The following HS3ST4 variants were observed in gnomAD, a reference collection of about 807,000 sequenced individuals.
HS3ST4 encodes the protein heparan sulfate-glucosamine 3-sulfotransferase 4, also known as heparan sulfate glucosamine 3-O-sulfotransferase 4.
In HS3ST4, 17 loss-of-function variants were observed where a neutral mutation model predicts 29.2. The observed-to-expected ratio is 0.58, with a 90% CI of 0.40 to 0.87. The LOEUF (loss-of-function observed/expected upper bound fraction) is 0.87. Among genes scored for constraint, HS3ST4 ranks in the 40% least tolerant of loss-of-function variants. The pLI, the probability that HS3ST4 is intolerant of heterozygous loss-of-function variation, is 0.00. For synonymous variants in HS3ST4, 314 were observed against 285.7 expected, an observed-to-expected ratio of 1.10 and a Z score of -1.00; for missense variants, 627 against 634.5, an observed-to-expected ratio of 0.99 and a Z score of 0.13.
At chr16:25,956,346 C>A (rs1968732671) in intron 1 of HS3ST4, among the ~76,000 whole-genome samples, 1 of 152,132 alleles carries the variant, frequency 6.6e-6, no homozygotes, top group African/African-American at 2.4e-5. Context: ...TGTTGGTAAC[C>A]TACCCAGAAG....
chr16:25,832,757 A>G (rs550484188), intron 1 of HS3ST4, among the ~76,000 whole-genome samples: 69 of 152,360 alleles, frequency 4.5e-4, no homozygotes, highest in Non-Finnish European at 6.8e-4. Flanking sequence ...ATTACCTTAG[A>G]AAGGATATTA....
At chr16:25,984,991 T>C (rs73521562) in intron 1 of HS3ST4, among the ~76,000 whole-genome samples, 2,703 of 152,326 alleles carry the variant, frequency 0.018, 83 homozygotes, top group African/African-American at 0.063. Flanking sequence ...TTGGTGGTCT[T>C]AGCACCATGT....
intron 1 of HS3ST4, among the ~76,000 whole-genome samples, chr16:26,019,956 T>C (rs1045431837): frequency 1.3e-5 from 2 of 152,140 alleles, no homozygotes; most frequent in Non-Finnish European, 2.9e-5. Flanking sequence ...CTTCACTTTC[T>C]CTCCAGCGAG....
At chr16:25,698,953 A>T (rs1966317115) in intron 1 of HS3ST4, among the ~76,000 whole-genome samples, 1 of 152,202 alleles carries the variant, frequency 6.6e-6, no homozygotes, top group East Asian at 1.9e-4. Context: ...CTTTTTTCCC[A>T]ATGTGCAAGT....
intron 1 of HS3ST4, among the ~76,000 whole-genome samples, chr16:26,026,689 C>G (rs906742750): frequency 6.6e-6 from 1 of 152,164 alleles, no homozygotes; most frequent in African/African-American, 2.4e-5. Flanking sequence ...CTGCTCATGT[C>G]ATTTCTCCAG....
At chr16:25,903,368 T>TATATATGTATATGTATATC (rs1491063208) in intron 1 of HS3ST4, among the ~76,000 whole-genome samples, 16 of 42,276 alleles carry the variant, frequency 3.8e-4, no homozygotes, top group South Asian at 2.2e-3. Context: ...GTATATCTTA[T>TATATATGTATATGTATATC]ATATATATAT....
chr16:25,710,788 T>C (rs1596550005), intron 1 of HS3ST4, among the ~76,000 whole-genome samples: 1 of 150,778 alleles, frequency 6.6e-6, no homozygotes, highest in East Asian at 1.9e-4. Flanking sequence ...TTTCCAGCAG[T>C]TGTGCTTTTG....
intron 1 of HS3ST4, among the ~76,000 whole-genome samples, chr16:25,823,874 G>GT (rs900794833): frequency 1.1e-4 from 17 of 152,238 alleles, no homozygotes; most frequent in African/African-American, 2.4e-4. Context: ...TAAGGCCACT[G>GT]TTTTTTTATA....
intron 1 of HS3ST4, among the ~76,000 whole-genome samples, chr16:25,936,646 C>T (rs1968519510): frequency 6.6e-6 from 1 of 152,222 alleles, no homozygotes; most frequent in Non-Finnish European, 1.5e-5. Flanking sequence ...TCAGCTGCTA[C>T]ACAGCATTTT....
In HS3ST4 at chr16:25,838,134, A is replaced by G. The variant is rs72780705; in HGVS notation, c.734+144983A>G. Among the ~76,000 whole-genome samples the G allele has an allele frequency of 8.1e-3, 1,236 of 152,342 alleles. 11 individuals carry two copies. The highest frequency in any genetic ancestry group is 0.018 in the South Asian group (87 of 4,830). On this transcript the variant is annotated intron_variant, in intron 1 of 1. Transcript: ENST00000331351. Reference sequence around the variant, plus strand: ...ATGTAAATGTGCTTTGGTTTCCCAGATGCTAAACAGGAATACTAATAGAGA... The same window carrying G: ...ATGTAAATGTGCTTTGGTTTCCCAGGTGCTAAACAGGAATACTAATAGAGA...
At chr16:25,764,417 C>T (rs1165892752) in intron 1 of HS3ST4, among the ~76,000 whole-genome samples, 1 of 152,150 alleles carries the variant, frequency 6.6e-6, no homozygotes, top group African/African-American at 2.4e-5. Context: ...CACATACAGC[C>T]AGGACATATC....
At chr16:25,897,859 C>G (rs115410248) in intron 1 of HS3ST4, among the ~76,000 whole-genome samples, 1 of 152,162 alleles carries the variant, frequency 6.6e-6, no homozygotes, top group Non-Finnish European at 1.5e-5. Context: ...GCTTTCCCCC[C>G]GCCCCCTTTC....
At chr16:25,869,815 G>A (rs1158943944) in intron 1 of HS3ST4, among the ~76,000 whole-genome samples, 3 of 152,180 alleles carry the variant, frequency 2.0e-5, no homozygotes, top group South Asian at 2.1e-4. Flanking sequence ...CTGTGCTAGG[G>A]CATTTACATG....
chr16:25,907,355 G>A (rs1014044461), intron 1 of HS3ST4, among the ~76,000 whole-genome samples: 9 of 152,142 alleles, frequency 5.9e-5, no homozygotes, highest in Non-Finnish European at 1.2e-4. Flanking sequence ...ACAGGGACAT[G>A]GGGAGGCGGG....
intron 1 of HS3ST4, among the ~76,000 whole-genome samples, chr16:25,763,848 G>T (rs1462541237): frequency 6.6e-6 from 1 of 152,198 alleles, no homozygotes; most frequent in African/African-American, 2.4e-5. Flanking sequence ...GACTTGTTTA[G>T]ATTTGAATAT....
intron 1 of HS3ST4, among the ~76,000 whole-genome samples, chr16:26,115,004 A>G (rs1033279493): frequency 9.9e-5 from 15 of 152,238 alleles, no homozygotes; most frequent in African/African-American, 3.6e-4. Flanking sequence ...CTAAATATAA[A>G]TGGCAATGGT....
chr16:25,712,482 C>T (rs929912255), intron 1 of HS3ST4, among the ~76,000 whole-genome samples: 1 of 152,076 alleles, frequency 6.6e-6, no homozygotes, highest in South Asian at 2.1e-4. Context: ...GATCATGCCA[C>T]TGCACTCCAG....
rs1898532110 is a variant in HS3ST4, at chr16:26,065,533, A to AT, written c.735-70078dup. On this transcript the variant is annotated intron_variant, in intron 1 of 1. Coordinates refer to ENST00000331351, the MANE Select transcript of HS3ST4 (RefSeq NM_006040.3). Reference sequence around the variant, plus strand: ...AAATAGCTAATGGGTAGTGGGCTTAATACATGGGTGATGAAATAATCTGTA... The same window carrying AT: ...AAATAGCTAATGGGTAGTGGGCTTAATTACATGGGTGATGAAATAATCTGTA... Among the ~76,000 whole-genome samples the AT allele has an allele frequency of 4.6e-5, 7 of 152,308 alleles. 1 individual carries two copies. In the South Asian group the frequency reaches 1.5e-3, roughly 32 times the overall value.
At chr16:25,842,329 A>G (rs539559612) in intron 1 of HS3ST4, among the ~76,000 whole-genome samples, 1 of 152,392 alleles carries the variant, frequency 6.6e-6, no homozygotes, top group South Asian at 2.1e-4. Context: ...ATCTGCATTT[A>G]TGTTAACACA....
Sources: gnomAD v4.1 joint callset for allele counts (sites outside exome capture counted in the v4.1 genomes callset) on GRCh38, gnomAD v4.1.1 for gene constraint, MANE v1.5 for transcripts, NCBI Gene and HGNC (gene_info 2026-07-23, HGNC 2026-07-21) for gene names.